The following CYP2C18 variants were observed in gnomAD, a reference collection of about 807,000 sequenced individuals.
The protein encoded by CYP2C18 is cytochrome P450 family 2 subfamily C member 18, also known as cytochrome P450 2C18.
CYP2C18 carries 38 observed loss-of-function variants against 41.3 expected under a neutral mutation model. The observed-to-expected ratio is 0.92, with a 90% CI of 0.71 to 1.21. The LOEUF is 1.21. Among genes scored for constraint, CYP2C18 ranks in the 50% most tolerant of loss-of-function variants. The pLI is 0.00. For synonymous variants in CYP2C18, 236 were observed against 210.0 expected (o/e 1.12, Z -1.07); for missense variants, 635 against 591.4 (o/e 1.07, Z -0.77).
At chr10:94,734,495 C>G (rs1847885968) in intron 8 of CYP2C18, among the ~76,000 whole-genome samples, 2 of 152,014 alleles carry the variant, frequency 1.3e-5, no homozygotes. Flanking sequence ...ATGAGGAAAC[C>G]TAGAGAGGGT....
rs150527822 is a variant in CYP2C18 at position 94,724,737 on chromosome 10, A to G, written c.1149+204A>G. Among the ~76,000 whole-genome samples, 74 of 151,696 alleles carry G rather than the reference A, an allele frequency of 4.9e-4. No individual in the cohort carries two copies. The East Asian group carries it at 0.01, about 21-fold the overall frequency. On this transcript the variant is annotated intron_variant, in intron 7 of 8. Coordinates refer to ENST00000285979, the MANE Select transcript of CYP2C18 (RefSeq NM_000772.3). The stretch of plus-strand genomic sequence containing the variant: ...AGTATCTAGCAGTGTATGTCTTCCA[A>G]ATTTGTTCTGCTTCTTTAGTATTTT...
chr10:94,724,647 G>A lies in CYP2C18; in HGVS notation c.1149+114G>A. The A allele has an allele frequency of 1.9e-6, 2 of 1,054,672 alleles. 1 individual carries two copies. The highest frequency in any genetic ancestry group is 2.9e-5 in the South Asian group (2 of 68,376). The allele number at this position is 1,054,672 out of a possible 1,614,324, so 65.3% of individuals were successfully genotyped here. A position where few individuals can be genotyped will look rare whatever the true frequency, so the allele number is the denominator to read the frequency against. ...AGAGAAGTGTAAAATTCATACGTGG[G>A]GCAGCTTTCTGGACTCTGCTGTTTC... On this transcript the variant is annotated intron_variant, in intron 7 of 8. Coordinates refer to ENST00000285979, the MANE Select transcript of CYP2C18 (RefSeq NM_000772.3).
intron 4 of CYP2C18, among the ~76,000 whole-genome samples, chr10:94,697,192 G>C (rs1847133880): frequency 6.6e-6 from 1 of 152,168 alleles, no homozygotes; most frequent in African/African-American, 2.4e-5. Flanking sequence ...ATTCACCGAA[G>C]TTGAAATGAA....
intron 4 of CYP2C18, among the ~76,000 whole-genome samples, chr10:94,697,240 G>A (rs1847135064): frequency 6.6e-6 from 1 of 152,180 alleles, no homozygotes; most frequent in Non-Finnish European, 1.5e-5. Context: ...GAAAGCTTGG[G>A]TTACCCACAA....
At chr10:94,714,699 T>A (rs1440593064) in intron 5 of CYP2C18, among the ~76,000 whole-genome samples, 1 of 152,222 alleles carries the variant, frequency 6.6e-6, no homozygotes, top group African/African-American at 2.4e-5. Context: ...AAGTAGTTTT[T>A]TCCAATTCTG....
At chr10:94,730,181 C>T (rs1202626143) in intron 7 of CYP2C18, among the ~76,000 whole-genome samples, 1 of 152,096 alleles carries the variant, frequency 6.6e-6, no homozygotes, top group Non-Finnish European at 1.5e-5. Flanking sequence ...TGTTAATCAG[C>T]ACAGTTAACT....
chr10:94,693,706 A>T (rs1389785654), intron 3 of CYP2C18, among the ~76,000 whole-genome samples: 1 of 152,208 alleles, frequency 6.6e-6, no homozygotes, highest in Non-Finnish European at 1.5e-5. Flanking sequence ...AGCTGAAAAG[A>T]AGCCTGGCAT....
Position 94,735,408 on chromosome 10 carries a change from G to A in CYP2C18, c.1437G>A (p.Val479=), listed in dbSNP as rs771063879. The A allele has an allele frequency of 6.2e-6, 10 of 1,613,552 alleles. No homozygotes were observed. The highest frequency in any genetic ancestry group is 6.8e-6 in the Non-Finnish European group (8 of 1,179,676). ...ITPIANAFGR[V]PPLYQLCFIP... The stretch of plus-strand genomic sequence containing the variant: ...CCATTGCCAATGCATTTGGTCGTGT[G>A]CCACCCTTGTACCAGCTCTGCTTCA... Residue 479 remains valine (V), a synonymous_variant, in exon 9 of 9, where the codon GTG becomes GTA. Transcript: ENST00000285979.
At chr10:94,718,322 T>G (rs999421377) in intron 5 of CYP2C18, among the ~76,000 whole-genome samples, 4 of 152,178 alleles carry the variant, frequency 2.6e-5, no homozygotes, top group Non-Finnish European at 4.4e-5. Flanking sequence ...TGAATTTAAT[T>G]ATCAGTTCTA....
chr10:94,689,591 C>G (rs1202665037), intron 3 of CYP2C18, among the ~76,000 whole-genome samples: 2 of 152,062 alleles, frequency 1.3e-5, no homozygotes, highest in African/African-American at 2.4e-5. Context: ...TTCTAGGACT[C>G]CTCTTGGATA....
intron 1 of CYP2C18, among the ~76,000 whole-genome samples, chr10:94,687,237 G>T (rs1846904147): frequency 6.6e-6 from 1 of 152,202 alleles, no homozygotes; most frequent in Admixed American, 6.5e-5. Context: ...GGGCTGGGCA[G>T]TAGAATCATT....
At chr10:94,706,649 A>C (rs988109942) in intron 4 of CYP2C18, 135 bp from the exon 5 acceptor site, 10 of 559,450 alleles carry the variant, frequency 1.8e-5, no homozygotes, top group Non-Finnish European at 3.2e-5. Context: ...ACTACTTTGT[A>C]CGTATAATCA....
At chr10:94,708,658 G>A (rs1847383953) in intron 5 of CYP2C18, among the ~76,000 whole-genome samples, 1 of 152,050 alleles carries the variant, frequency 6.6e-6, no homozygotes, top group Non-Finnish European at 1.5e-5. Context: ...ATTTTTCACA[G>A]AGCTGTGCAG....
intron 7 of CYP2C18, among the ~76,000 whole-genome samples, chr10:94,732,325 A>G (rs1049235454): frequency 2.0e-5 from 3 of 152,154 alleles, no homozygotes; most frequent in Non-Finnish European, 4.4e-5. Flanking sequence ...AAAACAATGC[A>G]TGATGGCAAG....
At chr10:94,726,326 C>T (rs1847741171) in intron 7 of CYP2C18, among the ~76,000 whole-genome samples, 1 of 151,950 alleles carries the variant, frequency 6.6e-6, no homozygotes, top group Non-Finnish European at 1.5e-5. Flanking sequence ...TTAGGTATTT[C>T]TCCTAATGTT....
chr10:94,724,468 C>T lies in CYP2C18; in HGVS notation c.1084C>T (p.Leu362Phe), dbSNP rs2134205908. ...CGAGATCCAGAGATACATTGACCTC[C>T]TCCCCACCAACCTGCCCCATGCAGT... ...VHEIQRYIDL[L>F]PTNLPHAVTC... Residue 362 changes from leucine to phenylalanine, a missense_variant, in exon 7 of 9, where the codon CTC becomes TTC. Leu to Phe is a conservative substitution (Grantham distance 22). Transcript: ENST00000285979. The T allele has an allele frequency of 1.2e-6, 2 of 1,613,566 alleles. No individual in the cohort carries two copies. Among genetic ancestry groups the T allele is most frequent in the Non-Finnish European group, 1.7e-6 (2 of 1,179,724 alleles).
intron 7 of CYP2C18, among the ~76,000 whole-genome samples, chr10:94,730,425 A>G (rs1847807722): frequency 6.6e-6 from 1 of 152,218 alleles, no homozygotes; most frequent in Non-Finnish European, 1.5e-5. Context: ...CAACCAAGTC[A>G]AGGGTGGTTT....
intron 6 of CYP2C18, among the ~76,000 whole-genome samples, chr10:94,722,455 G>A (rs1472572746): frequency 6.6e-6 from 1 of 152,096 alleles, no homozygotes; most frequent in Non-Finnish European, 1.5e-5. Context: ...GTTAAAGTTG[G>A]AGTATAACCA....
At chr10:94,725,061 T>C (rs915151266) in intron 7 of CYP2C18, among the ~76,000 whole-genome samples, 1 of 148,432 alleles carries the variant, frequency 6.7e-6, no homozygotes, top group Non-Finnish European at 1.5e-5. Context: ...TTGTAAGTTG[T>C]GTATTTAATA....
Sources: allele counts gnomAD v4.1 joint callset (sites outside exome capture counted in the v4.1 genomes callset), GRCh38; gene constraint gnomAD v4.1.1; transcripts MANE v1.5; gene names NCBI Gene and HGNC (gene_info 2026-07-23, HGNC 2026-07-21).